LRBA: variants seen among roughly 807,000 people sequenced by gnomAD.
The protein encoded by LRBA is LPS responsive beige-like anchor protein.
Under a neutral mutation model 330.0 loss-of-function variants are expected in LRBA, and 176 were observed. That is an observed-to-expected ratio of 0.53 (90% confidence interval 0.47 to 0.60). LRBA has a LOEUF of 0.60. LRBA is among the 20% of genes least tolerant of loss of function. The pLI, the probability that LRBA is intolerant of heterozygous loss-of-function variation, is 0.00. For missense variants in LRBA, 3,259 were observed against 3,444.8 expected (o/e 0.95, Z 1.35); for synonymous variants, 1,230 against 1,193.0 (o/e 1.03, Z -0.64).
At chr4:150,466,118 A>G (rs1430073514) in intron 44 of LRBA, among the ~76,000 whole-genome samples, 1 of 152,152 alleles carries the variant, frequency 6.6e-6, no homozygotes, top group Non-Finnish European at 1.5e-5. Context: ...GTAATAAAAC[A>G]GACAATGGCT....
intron 47 of LRBA, among the ~76,000 whole-genome samples, chr4:150,361,862 C>T (rs1738743338): frequency 1.3e-5 from 2 of 151,988 alleles, no homozygotes; most frequent in African/African-American, 4.8e-5. Flanking sequence ...GCTCCGCCTC[C>T]CGGGTTCATG....
intron 2 of LRBA, among the ~76,000 whole-genome samples, chr4:150,967,730 T>A (rs890053751): frequency 6.6e-6 from 1 of 152,226 alleles, no homozygotes; most frequent in Non-Finnish European, 1.5e-5. Context: ...CTCCAACTTT[T>A]TCATTATTAT....
chr4:150,785,227 C>T (rs910151073), intron 34 of LRBA, among the ~76,000 whole-genome samples: 31 of 151,776 alleles, frequency 2.0e-4, no homozygotes, highest in Admixed American at 1.1e-3. Context: ...GGGGCGGGGG[C>T]GTGGGGACAG....
At chr4:150,898,161 A>C (rs1346367487) in intron 14 of LRBA, among the ~76,000 whole-genome samples, 3 of 152,104 alleles carry the variant, frequency 2.0e-5, no homozygotes, top group Admixed American at 1.3e-4. Context: ...AGTATTAGTA[A>C]GGTAACAGAA....
intron 17 of LRBA, among the ~76,000 whole-genome samples, chr4:150,873,663 A>C (rs1753695142): frequency 6.6e-6 from 1 of 152,168 alleles, no homozygotes; most frequent in Non-Finnish European, 1.5e-5. Flanking sequence ...AATGCAACTG[A>C]AATTAAACTG....
chr4:150,575,334 T>A (rs1214642583), intron 40 of LRBA, among the ~76,000 whole-genome samples: 1 of 151,958 alleles, frequency 6.6e-6, no homozygotes, highest in African/African-American at 2.4e-5. Context: ...TCACTTTTAC[T>A]CTAATTCATA....
chr4:150,896,191 C>T (rs1375630062), intron 16 of LRBA, among the ~76,000 whole-genome samples: 2 of 151,894 alleles, frequency 1.3e-5, no homozygotes, highest in Admixed American at 1.3e-4. Context: ...CTTTTTAAAG[C>T]CTTTCATGAT....
At position 150,683,897 on chromosome 4, in the gene LRBA, A is replaced by C. The variant is rs1055273417; in HGVS notation, c.5755-180T>G. 8 of 544,878 alleles carry C rather than the reference A, an allele frequency of 1.5e-5. No homozygotes were observed. In the East Asian group the frequency reaches 2.4e-4, roughly 16 times the overall value. 33.8% of individuals were successfully genotyped at this position (544,878 alleles called of 1,614,324 possible). ...TCAATAAAACATCCCACAAGAATTT[A>C]CTTCTGTGAAGTCAATCATGAGATA... On this transcript the variant is annotated intron_variant, in intron 36 of 56. Coordinates refer to ENST00000651943, the MANE Select transcript of LRBA (RefSeq NM_001364905.1).
chr4:150,871,914 C>T (rs1404760152), intron 18 of LRBA, among the ~76,000 whole-genome samples: 1 of 152,002 alleles, frequency 6.6e-6, no homozygotes, highest in East Asian at 1.9e-4. Flanking sequence ...CAAAATTAAC[C>T]TTCCAAGCAT....
chr4:150,476,974 C>T (rs562963919), intron 42 of LRBA, among the ~76,000 whole-genome samples: 175 of 152,288 alleles, frequency 1.1e-3, no homozygotes, highest in African/African-American at 4.1e-3. Flanking sequence ...CCTCTCACGT[C>T]CTACTGGCTG....
chr4:150,324,466 A>G (rs1420604617), intron 49 of LRBA, among the ~76,000 whole-genome samples: 3 of 152,026 alleles, frequency 2.0e-5, no homozygotes, highest in African/African-American at 4.8e-5. Context: ...TGATGCAAAC[A>G]ATTTTTAAAA....
At chr4:150,714,554 G>T (rs1786553647) in intron 36 of LRBA, among the ~76,000 whole-genome samples, 1 of 151,966 alleles carries the variant, frequency 6.6e-6, no homozygotes, top group South Asian at 2.1e-4. Context: ...CTAATAGGAG[G>T]AATGAGTTCA....
intron 42 of LRBA, among the ~76,000 whole-genome samples, chr4:150,482,820 T>C (rs1165231582): frequency 6.6e-6 from 1 of 152,128 alleles, no homozygotes; most frequent in Non-Finnish European, 1.5e-5. Context: ...GGTATCTATA[T>C]CTATTCTTTG....
chr4:150,860,375 C>A (rs1228192688), intron 22 of LRBA, among the ~76,000 whole-genome samples: 1 of 152,066 alleles, frequency 6.6e-6, no homozygotes, highest in Admixed American at 6.6e-5. Flanking sequence ...TAAAAAGACT[C>A]CATGATTAAC....
At chr4:150,439,758 T>C (rs1248690121) in intron 44 of LRBA, among the ~76,000 whole-genome samples, 1 of 152,192 alleles carries the variant, frequency 6.6e-6, no homozygotes, top group Non-Finnish European at 1.5e-5. Context: ...GTAATGACAG[T>C]GCTGTATATC....
intron 36 of LRBA, among the ~76,000 whole-genome samples, chr4:150,714,277 C>A (rs1786522581): frequency 6.6e-6 from 1 of 152,042 alleles, no homozygotes; most frequent in South Asian, 2.1e-4. Flanking sequence ...CTCAAATGTA[C>A]TTGTTTATAT....
At chr4:150,459,490 G>A (rs1754493480) in intron 44 of LRBA, among the ~76,000 whole-genome samples, 2 of 151,888 alleles carry the variant, frequency 1.3e-5, no homozygotes, top group Admixed American at 6.6e-5. Flanking sequence ...TGGAAAATGT[G>A]TGACCTCCCA....
At chr4:150,990,092 T>C (rs760115394) in intron 2 of LRBA, among the ~76,000 whole-genome samples, 1 of 150,198 alleles carries the variant, frequency 6.7e-6, no homozygotes, top group Non-Finnish European at 1.5e-5. Flanking sequence ...AAAGAAAAAA[T>C]AGAACTGTAT....
intron 9 of LRBA, among the ~76,000 whole-genome samples, chr4:150,913,836 C>T (rs923447187): frequency 2.6e-5 from 4 of 152,174 alleles, no homozygotes; most frequent in South Asian, 4.1e-4. Flanking sequence ...GTAAGCTACT[C>T]CTACTCTTCT....
Sources: allele counts gnomAD v4.1 joint callset (sites outside exome capture counted in the v4.1 genomes callset), GRCh38; gene constraint gnomAD v4.1.1; transcripts MANE v1.5; gene names NCBI Gene and HGNC (gene_info 2026-07-23, HGNC 2026-07-21).